PCSK5: variants seen among roughly 807,000 people sequenced by gnomAD.
PCSK5 encodes proprotein convertase subtilisin/kexin type 5, also known as prohormone convertase 5.
Under a neutral mutation model 233.2 loss-of-function variants are expected in PCSK5, and 129 were observed. The observed-to-expected ratio is 0.55, with a 90% confidence interval of 0.48 to 0.64. PCSK5 has a LOEUF of 0.64. Ranked by LOEUF, PCSK5 falls within the 30% of genes least tolerant of loss-of-function variation. The pLI is 0.00. For missense variants in PCSK5, 2,076 were observed against 2,430.1 expected, an observed-to-expected ratio of 0.85 and a Z score of 3.06; for synonymous variants, 825 against 879.2, an observed-to-expected ratio of 0.94 and a Z score of 1.09.
intron 9 of PCSK5, among the ~76,000 whole-genome samples, chr9:76,116,762 G>C (rs116942391): frequency 6.6e-6 from 1 of 152,220 alleles, no homozygotes; most frequent in East Asian, 1.9e-4. Context: ...ATTCACACAG[G>C]TGATAGGTGT....
Position 76,296,668 on chromosome 9 carries a change from G to A in PCSK5, c.3326G>A (p.Gly1109Asp), listed in dbSNP as rs942602105. 6.2e-7 allele frequency: 1 copy of A among 1,602,682 alleles called. No homozygotes were observed. Among genetic ancestry groups the A allele is most frequent in the Admixed American group, 1.7e-5 (1 of 59,952 alleles). The change falls in exon 27 of 38, where the codon GGC (glycine) becomes GAC (aspartate). Residue 1109 changes from glycine to aspartate, a missense_variant. By Grantham distance (94) the Gly-to-Asp change is moderately conservative. Coordinates refer to ENST00000674117, the MANE Select transcript of PCSK5 (RefSeq NM_001372043.1). ...TTCTCTCTGTGTTCTCACATAGGTG[G>A]CAGTTGTGTGAGGAAATGTGGTCCT... Reference protein sequence around the residue: ...WCEEGFFLLGGSCVRKCGPGF... With the variant: ...WCEEGFFLLGDSCVRKCGPGF...
chr9:76,231,292 G>A (rs558500438), intron 21 of PCSK5, among the ~76,000 whole-genome samples: 77 of 152,048 alleles, frequency 5.1e-4, no homozygotes, highest in Non-Finnish European at 7.8e-4. Context: ...GAGGATAACC[G>A]CCCCCATGAT....
chr9:76,316,889 G>C (rs535458840), intron 30 of PCSK5, among the ~76,000 whole-genome samples: 2 of 151,784 alleles, frequency 1.3e-5, no homozygotes, highest in African/African-American at 2.4e-5. Context: ...TTAAGAGATA[G>C]ACTTTGTTTG....
rs774411484 is a variant in PCSK5 at position 76,228,467 on chromosome 9, T to C, written c.2729+862T>C. Among the ~76,000 whole-genome samples, 11 of 152,196 alleles carry C rather than the reference T, an allele frequency of 7.2e-5. 1 individual carries two copies. Among genetic ancestry groups the C allele is most frequent in the Non-Finnish European group, 1.2e-4 (8 of 68,038 alleles). On this transcript the variant is annotated intron_variant, in intron 21 of 37. Transcript: ENST00000674117. The stretch of plus-strand genomic sequence containing the variant: ...TTAGACTGTAAGCCACTTGAGATAC[T>C]CATCTTTGATCTCTAGTACCTACCA...
chr9:76,088,460 G>A (rs559758106), intron 7 of PCSK5, among the ~76,000 whole-genome samples: 2 of 152,278 alleles, frequency 1.3e-5, no homozygotes, highest in South Asian at 4.1e-4. Flanking sequence ...TAGTTATTCT[G>A]AGAGCACAAT....
intron 3 of PCSK5, among the ~76,000 whole-genome samples, chr9:75,994,700 G>A (rs1165656920): frequency 1.3e-5 from 2 of 151,914 alleles, no homozygotes; most frequent in Non-Finnish European, 2.9e-5. Flanking sequence ...GGGATTACAG[G>A]CGTGAGCCAG....
intron 20 of PCSK5, among the ~76,000 whole-genome samples, chr9:76,222,860 AC>A (rs1825773676): frequency 6.6e-6 from 1 of 151,850 alleles, no homozygotes; most frequent in Non-Finnish European, 1.5e-5. Context: ...GGCGAAAAAA[AC>A]ATATAGATGT....
At chr9:76,223,014 G>A (rs1028351794) in intron 20 of PCSK5, among the ~76,000 whole-genome samples, 6 of 152,034 alleles carry the variant, frequency 3.9e-5, no homozygotes, top group African/African-American at 1.2e-4. Flanking sequence ...TCTGAGTGAC[G>A]AGGCACATAA....
At chr9:76,262,538 A>G (rs1377993655) in intron 24 of PCSK5, among the ~76,000 whole-genome samples, 3 of 149,016 alleles carry the variant, frequency 2.0e-5, no homozygotes, top group Non-Finnish European at 4.5e-5. Flanking sequence ...AGGATTCCCT[A>G]TTTAATAAAT....
At chr9:75,999,749 G>A (rs1827186592) in intron 3 of PCSK5, among the ~76,000 whole-genome samples, 1 of 152,130 alleles carries the variant, frequency 6.6e-6, no homozygotes, top group African/African-American at 2.4e-5. Context: ...CCAGTTTTGG[G>A]GCCAGTTTAT....
chr9:76,293,470 A>C (rs1828340459), intron 25 of PCSK5, among the ~76,000 whole-genome samples: 1 of 152,060 alleles, frequency 6.6e-6, no homozygotes, highest in African/African-American at 2.4e-5. Flanking sequence ...GTTTGTTTTT[A>C]AGACAGTCTC....
At chr9:76,029,063 C>T (rs1307678589) in intron 5 of PCSK5, among the ~76,000 whole-genome samples, 1 of 152,122 alleles carries the variant, frequency 6.6e-6, no homozygotes, top group Non-Finnish European at 1.5e-5. Context: ...TGGCTTCTTC[C>T]TGCTGTTGGG....
chr9:76,181,135 C>T (rs1037913658), intron 15 of PCSK5, among the ~76,000 whole-genome samples: 126 of 152,314 alleles, frequency 8.3e-4, no homozygotes, highest in Non-Finnish European at 1.6e-3. Flanking sequence ...TAACCATCAT[C>T]ATTTTTCAAG....
At chr9:76,254,037 G>A (rs1311092526) in intron 24 of PCSK5, among the ~76,000 whole-genome samples, 1 of 152,040 alleles carries the variant, frequency 6.6e-6, no homozygotes, top group Non-Finnish European at 1.5e-5. Flanking sequence ...CTTAATTCAG[G>A]ACCAGGTTGA....
chr9:76,123,020 T>A (rs1001230233), intron 9 of PCSK5, among the ~76,000 whole-genome samples: 1 of 151,904 alleles, frequency 6.6e-6, no homozygotes, highest in African/African-American at 2.4e-5. Flanking sequence ...TTATTACTAT[T>A]TTTTGTAGAG....
At chr9:76,149,093 A>G (rs1823564836) in intron 10 of PCSK5, among the ~76,000 whole-genome samples, 2 of 152,236 alleles carry the variant, frequency 1.3e-5, no homozygotes, top group Non-Finnish European at 2.9e-5. Context: ...TAAATTTTAC[A>G]GAAATTTCCC....
intron 5 of PCSK5, among the ~76,000 whole-genome samples, chr9:76,050,900 C>G (rs1049134925): frequency 6.6e-6 from 1 of 152,174 alleles, no homozygotes; most frequent in African/African-American, 2.4e-5. Context: ...TCCCCTGTCT[C>G]ACTGCCTCCC....
chr9:76,076,497 T>G (rs533159050), intron 7 of PCSK5, among the ~76,000 whole-genome samples: 3 of 152,238 alleles, frequency 2.0e-5, no homozygotes, highest in African/African-American at 7.2e-5. Flanking sequence ...GGCAGCAGCA[T>G]CAAGACCATC....
chr9:76,349,497 G>A (rs1405501620), intron 35 of PCSK5, among the ~76,000 whole-genome samples: 4 of 152,082 alleles, frequency 2.6e-5, no homozygotes, highest in South Asian at 2.1e-4. Flanking sequence ...TACTAAAGGT[G>A]TTTATTCTCT....
Sources: allele counts gnomAD v4.1 joint callset (sites outside exome capture counted in the v4.1 genomes callset), GRCh38; gene constraint gnomAD v4.1.1; transcripts MANE v1.5; gene names NCBI Gene and HGNC (gene_info 2026-07-23, HGNC 2026-07-21).